The following KALRN variants were observed in gnomAD, a reference collection of about 807,000 sequenced individuals.
KALRN encodes kalirin.
KALRN carries 70 observed loss-of-function variants against 353.7 expected under a neutral mutation model. The ratio of observed to expected loss-of-function variants is 0.20; its 90% CI spans 0.16 to 0.24. The LOEUF is 0.24. Ranked by LOEUF, KALRN falls within the 10% of genes least tolerant of loss-of-function variation. KALRN has a pLI of 1.00. For synonymous variants in KALRN, 1,391 were observed against 1,434.8 expected (o/e 0.97, Z 0.69); for missense variants, 2,791 against 3,756.7 (o/e 0.74, Z 6.72).
chr3:124,646,408 T>TTTTTTTTTTTTTTTTTTTTTAG, intron 37 of KALRN, among the ~76,000 whole-genome samples: 1 of 149,042 alleles, frequency 6.7e-6, no homozygotes, highest in Non-Finnish European at 1.5e-5. Flanking sequence ...TTTTTTTTTT[T>TTTTTTTTTTTTTTTTTTTTTAG]GAGACAGAGC....
intron 1 of KALRN, among the ~76,000 whole-genome samples, chr3:124,037,180 G>T (rs575714755): frequency 1.1e-4 from 17 of 152,242 alleles, no homozygotes; most frequent in Admixed American, 7.2e-4. Flanking sequence ...GAACACAAAA[G>T]AAATATTCGA....
intron 9 of KALRN, among the ~76,000 whole-genome samples, chr3:124,339,250 G>A (rs2081434654): frequency 6.6e-6 from 1 of 152,130 alleles, no homozygotes; most frequent in East Asian, 1.9e-4. Context: ...GTGGGCTGGG[G>A]CTGGAGAGGC....
At chr3:124,659,302 C>A in intron 42 of KALRN, 63 bp from the exon 43 acceptor site, 5 of 1,109,822 alleles carry the variant, frequency 4.5e-6, no homozygotes, top group Non-Finnish European at 6.9e-6. Context: ...CCTTTGAACC[C>A]TTATTCAAAG....
chr3:124,187,312 C>T (rs2074355665), intron 1 of KALRN, among the ~76,000 whole-genome samples: 1 of 152,130 alleles, frequency 6.6e-6, no homozygotes, highest in South Asian at 2.1e-4. Context: ...GAACTCCTGA[C>T]CTCAGGTGAC....
At chr3:124,222,443 G>A (rs1449703263) in intron 1 of KALRN, among the ~76,000 whole-genome samples, 13 of 152,214 alleles carry the variant, frequency 8.5e-5, no homozygotes, top group African/African-American at 3.1e-4. Flanking sequence ...GGGGTGATGA[G>A]TAGTGTTAGA....
intron 1 of KALRN, among the ~76,000 whole-genome samples, chr3:124,054,834 ATTAACATTGGTTAAATTTAAG>A (rs1380360072): frequency 1.3e-5 from 2 of 152,204 alleles, no homozygotes; most frequent in Non-Finnish European, 2.9e-5. Flanking sequence ...GGAAGTCCTA[ATTAACATTGGTTAAATTTAAG>A]TTTAACTTTG....
In KALRN at chr3:124,446,280, G is replaced by A. The variant is rs750501235; in HGVS notation, c.3429+4G>A. ...GTTCGAGCGCAGCGCTAAGCAGGTT[G>A]TCCAAAGCTTTCCCTGGCACTATCT... On this transcript the variant is annotated splice_donor_region_variant and intron_variant, in intron 20 of 59. Coordinates refer to ENST00000682506, the MANE Select transcript of KALRN (RefSeq NM_001388419.1). 5.0e-6 allele frequency: 8 copies of A among 1,605,098 alleles called. No individual in the cohort carries two copies.
At chr3:124,092,513 C>T (rs2061177076) in intron 1 of KALRN, among the ~76,000 whole-genome samples, 1 of 152,216 alleles carries the variant, frequency 6.6e-6, no homozygotes, top group South Asian at 2.1e-4. Flanking sequence ...CATTTGGACC[C>T]TCCACTCAAC....
At chr3:124,150,987 CT>C (rs2068023255) in intron 1 of KALRN, among the ~76,000 whole-genome samples, 1 of 152,134 alleles carries the variant, frequency 6.6e-6, no homozygotes, top group Non-Finnish European at 1.5e-5. Context: ...TGTGTCTGTC[CT>C]CTTTTGTTCA....
intron 34 of KALRN, among the ~76,000 whole-genome samples, chr3:124,582,227 G>A (rs1473347698): frequency 6.6e-6 from 1 of 152,084 alleles, no homozygotes; most frequent in Non-Finnish European, 1.5e-5. Context: ...CACCATGTTG[G>A]CCAGGCTAGT....
At chr3:124,563,516 C>T (rs1047722172) in intron 34 of KALRN, among the ~76,000 whole-genome samples, 4 of 152,194 alleles carry the variant, frequency 2.6e-5, no homozygotes, top group African/African-American at 9.7e-5. Flanking sequence ...CACATGCTGA[C>T]CTGGAGACAC....
intron 1 of KALRN, among the ~76,000 whole-genome samples, chr3:124,221,694 C>G (rs2077925051): frequency 6.6e-6 from 1 of 152,130 alleles, no homozygotes; most frequent in Non-Finnish European, 1.5e-5. Context: ...GTTTGGTTAG[C>G]TCCGTGGATG....
chr3:124,116,900 A>G (rs2063509067), intron 1 of KALRN, among the ~76,000 whole-genome samples: 1 of 152,256 alleles, frequency 6.6e-6, no homozygotes, highest in Non-Finnish European at 1.5e-5. Context: ...TACTGTACCT[A>G]TACTGTAGAT....
intron 10 of KALRN, among the ~76,000 whole-genome samples, chr3:124,370,516 C>T (rs916960542): frequency 6.6e-6 from 1 of 152,160 alleles, no homozygotes; most frequent in African/African-American, 2.4e-5. Context: ...CTTGAGCATC[C>T]CAAGAAACCG....
chr3:124,696,557 T>G (rs333279), intron 54 of KALRN, among the ~76,000 whole-genome samples: 39,290 of 152,078 alleles, frequency 0.26, 5,918 homozygotes, highest in East Asian at 0.48. Context: ...TTTTAAAAAA[T>G]TCAAATAGAG....
intron 6 of KALRN, among the ~76,000 whole-genome samples, chr3:124,302,334 G>A (rs1455830072): frequency 1.3e-5 from 2 of 152,118 alleles, no homozygotes; most frequent in Non-Finnish European, 2.9e-5. Flanking sequence ...AGGGATGTTA[G>A]GACAGAGTTT....
At chr3:124,539,922 T>TTGGGG (rs760016132) in intron 33 of KALRN, among the ~76,000 whole-genome samples, 2 of 132,006 alleles carry the variant, frequency 1.5e-5, no homozygotes, top group African/African-American at 6.3e-5. Flanking sequence ...TAATTTTTTT[T>TTGGGG]GGGGGGGGGG....
chr3:124,280,348 C>T (rs756468657), intron 5 of KALRN, among the ~76,000 whole-genome samples: 2 of 152,186 alleles, frequency 1.3e-5, no homozygotes, highest in Non-Finnish European at 1.5e-5. Flanking sequence ...TTACACCCTG[C>T]AGTCCCATCT....
intron 1 of KALRN, among the ~76,000 whole-genome samples, chr3:124,147,877 G>A (rs888059439): frequency 1.3e-5 from 2 of 152,188 alleles, no homozygotes; most frequent in Admixed American, 6.5e-5. Context: ...CTAAAACAGT[G>A]TGAGGCACAC....
Sources: gnomAD v4.1 joint callset for allele counts (sites outside exome capture counted in the v4.1 genomes callset) on GRCh38, gnomAD v4.1.1 for gene constraint, MANE v1.5 for transcripts, NCBI Gene and HGNC (gene_info 2026-07-23, HGNC 2026-07-21) for gene names.